FAP: variants seen among roughly 807,000 people sequenced by gnomAD.
The protein encoded by FAP is fibroblast activation protein alpha, also known as prolyl endopeptidase FAP.
In FAP, 110 loss-of-function variants were observed where a neutral mutation model predicts 126.5. That is an observed-to-expected ratio of 0.87 (90% CI 0.74 to 1.02). FAP has a LOEUF of 1.02. FAP is among the 50% of genes least tolerant of loss of function. FAP has a pLI of 0.00. For missense variants in FAP, 919 were observed against 909.2 expected, an observed-to-expected ratio of 1.01 and a Z score of -0.14; for synonymous variants, 334 against 297.3, an observed-to-expected ratio of 1.12 and a Z score of -1.27.
intron 12 of FAP, among the ~76,000 whole-genome samples, chr2:162,203,351 G>A (rs76961970): frequency 0.011 from 1,733 of 152,192 alleles, 18 homozygotes; most frequent in Non-Finnish European, 0.018. Context: ...TGAACATTCC[G>A]ACCACTGCTT....
intron 25 of FAP, 64 bp downstream of exon 25, chr2:162,172,747 A>G: frequency 9.3e-7 from 1 of 1,073,056 alleles, no homozygotes; most frequent in Non-Finnish European, 1.4e-6. Flanking sequence ...AAATAAAAAT[A>G]TGAACCCCTC....
At chr2:162,182,374 T>C (rs866192759) in intron 21 of FAP, among the ~76,000 whole-genome samples, 36 of 152,314 alleles carry the variant, frequency 2.4e-4, no homozygotes, top group Admixed American at 2.0e-3. Context: ...ATAGGGAAGG[T>C]ATTATCTGGA....
chr2:162,171,740 A>T (rs1368220811), intron 25 of FAP: 1 of 152,082 alleles, frequency 6.6e-6, no homozygotes, highest in African/African-American at 2.4e-5. Flanking sequence ...ATCACAATAA[A>T]AAAGGTCAGA....
intron 13 of FAP, 39 bp from the exon 14 acceptor site, chr2:162,202,981 G>C: frequency 1.3e-6 from 2 of 1,599,236 alleles, no homozygotes; most frequent in Non-Finnish European, 1.7e-6. Flanking sequence ...GAAACTGAGC[G>C]TTATTTGAGC....
At position 162,173,162 on chromosome 2, in the gene FAP, G is replaced by T; in HGVS notation, c.2094C>A (p.His698Gln). The change falls in exon 24 of 26, where the codon CAC becomes CAA. Residue 698 changes from histidine (H) to glutamine (Q), a missense_variant. His to Gln is a conservative substitution (Grantham distance 24). Coordinates refer to ENST00000188790, the MANE Select transcript of FAP (RefSeq NM_004460.5). ...CTTAAACCTCACCATCTGCTGTTCC[G>T]TGGATGAGAAGATAGTCTACATTTC... is the stretch of plus-strand genomic sequence containing the variant. ...YFRNVDYLLIHGTADDNVHFQ... is the reference protein window; with the variant it reads ...YFRNVDYLLIQGTADDNVHFQ... The T allele has an allele frequency of 6.2e-7, 1 of 1,612,522 alleles. No homozygotes were observed. Among genetic ancestry groups the T allele is most frequent in the Non-Finnish European group, 8.5e-7 (1 of 1,178,712 alleles).
Position 162,219,162 on chromosome 2 carries a change from T to C in FAP, c.508A>G (p.Ile170Val), listed in dbSNP as rs1234309602. Residue 170 changes from isoleucine to valine, a missense_variant, in exon 8 of 26, where the codon ATC (isoleucine) becomes GTC (valine). Physicochemically the swap from Ile to Val is conservative, Grantham distance 29. Transcript: ENST00000188790. The stretch of plus-strand genomic sequence containing the variant: ...TCTCCTGGTCTTTGTTTCAAATAGA[T>C]ATTGTTTTGATAGACATATGCCTAA... ...SKLAYVYQNNIYLKQRPGDPP... is the reference protein window; with the variant it reads ...SKLAYVYQNNVYLKQRPGDPP... 4 of 1,607,194 alleles carry C rather than the reference T, an allele frequency of 2.5e-6. No homozygotes were observed. In the South Asian group the frequency reaches 4.4e-5, roughly 18 times the overall value.
intron 2 of FAP, among the ~76,000 whole-genome samples, chr2:162,235,135 CTCCCCCAG>C (rs1690065420): frequency 6.6e-6 from 1 of 151,384 alleles, no homozygotes; most frequent in Non-Finnish European, 1.5e-5. Context: ...ACTCCCCCCA[CTCCCCCAG>C]TCCCCCGTCA....
intron 11 of FAP, among the ~76,000 whole-genome samples, chr2:162,212,642 T>C (rs189354414): frequency 1.3e-5 from 2 of 152,360 alleles, no homozygotes; most frequent in East Asian, 3.9e-4. Context: ...CATAATGTCC[T>C]AATTTCTAGA....
At chr2:162,177,100 G>A (rs1440850948) in intron 21 of FAP, among the ~76,000 whole-genome samples, 1 of 152,122 alleles carries the variant, frequency 6.6e-6, no homozygotes, top group Non-Finnish European at 1.5e-5. Context: ...CATGAGTGGG[G>A]CTCCCAGGCA....
At chr2:162,236,448 G>GT (rs201709257) in intron 2 of FAP, among the ~76,000 whole-genome samples, 1,780 of 132,876 alleles carry the variant, frequency 0.013, 6 homozygotes, top group African/African-American at 0.02. Context: ...TTATGTTTTT[G>GT]TTTTTTTTTT....
At chr2:162,223,479 T>G (rs992844817) in intron 6 of FAP, 129 bp downstream of exon 6, 1 of 649,354 alleles carries the variant, frequency 1.5e-6, no homozygotes, top group Admixed American at 2.8e-5. Context: ...ACATACATAC[T>G]GTATTACTAA....
intron 6 of FAP, chr2:162,221,578 T>TA (rs1181076107): frequency 2.4e-6 from 1 of 420,882 alleles, no homozygotes; most frequent in Non-Finnish European, 4.7e-6. Flanking sequence ...GTTCTCAAGC[T>TA]AGTGCTCATG....
At chr2:162,193,410 T>C (rs1305250372) in intron 17 of FAP, 1 of 152,178 alleles carries the variant, frequency 6.6e-6, no homozygotes, top group Non-Finnish European at 1.5e-5. Context: ...GTACCTATTT[T>C]GTAAATAGTG....
intron 17 of FAP, among the ~76,000 whole-genome samples, chr2:162,191,612 A>G (rs1340639633): frequency 6.6e-6 from 1 of 152,100 alleles, no homozygotes; most frequent in Non-Finnish European, 1.5e-5. Context: ...GATGAAATTG[A>G]GTTGTAACAA....
chr2:162,187,511 G>T (rs2389682), intron 20 of FAP, among the ~76,000 whole-genome samples: 6,267 of 152,078 alleles, frequency 0.041, 666 homozygotes, highest in Admixed American at 0.24. Flanking sequence ...CCACAATTTT[G>T]GTGCCTATAT....
At chr2:162,213,905 GA>G in intron 11 of FAP, 32 bp downstream of exon 11, 1 of 1,600,264 alleles carries the variant, frequency 6.2e-7, no homozygotes, top group Non-Finnish European at 8.5e-7. Context: ...TTGATCTTCA[GA>G]AATACGTATC....
chr2:162,215,487 A>C (rs893736210), intron 10 of FAP, among the ~76,000 whole-genome samples: 3 of 152,204 alleles, frequency 2.0e-5, no homozygotes, highest in Non-Finnish European at 4.4e-5. Context: ...AGCCTGCTTC[A>C]TTGTGAAAAA....
intron 2 of FAP, among the ~76,000 whole-genome samples, chr2:162,235,918 T>C (rs931891874): frequency 1.3e-5 from 2 of 152,194 alleles, no homozygotes; most frequent in Non-Finnish European, 2.9e-5. Context: ...GACATTAGCT[T>C]TCATTAAGTG....
chr2:162,234,722 C>T (rs1372685706), intron 2 of FAP, among the ~76,000 whole-genome samples: 2 of 152,204 alleles, frequency 1.3e-5, no homozygotes, highest in Non-Finnish European at 2.9e-5. Flanking sequence ...CTCACTCGCT[C>T]TGGGTGCCTC....
Sources: gnomAD v4.1 joint callset for allele counts (sites outside exome capture counted in the v4.1 genomes callset) on GRCh38, gnomAD v4.1.1 for gene constraint, MANE v1.5 for transcripts, NCBI Gene and HGNC (gene_info 2026-07-23, HGNC 2026-07-21) for gene names.